Variants in PCDHA1 observed in about 807,000 individuals in gnomAD.
PCDHA1 encodes protocadherin alpha 1.
PCDHA1 carries 42 observed loss-of-function variants against 61.3 expected under a neutral mutation model. The ratio of observed to expected loss-of-function variants is 0.69; its 90% CI spans 0.54 to 0.89. The LOEUF is 0.89. PCDHA1 is among the 40% of genes least tolerant of loss of function. The probability of loss-of-function intolerance (pLI) is 0.00; values close to 1 mark genes in which losing one functional copy is unlikely to be tolerated. For synonymous variants in PCDHA1, 610 were observed against 553.8 expected, an observed-to-expected ratio of 1.10 and a Z score of -1.43; for missense variants, 1,256 against 1,235.3, an observed-to-expected ratio of 1.02 and a Z score of -0.25.
At chr5:140,873,064 T>A (rs1554166548) in intron 1 of PCDHA1, among the ~76,000 whole-genome samples, 1 of 152,186 alleles carries the variant, frequency 6.6e-6, no homozygotes, top group Non-Finnish European at 1.5e-5. Context: ...TTCTTGAGAA[T>A]CATATCTAGC....
intron 1 of PCDHA1, among the ~76,000 whole-genome samples, chr5:140,794,246 G>T (rs367977540): frequency 6.6e-6 from 1 of 152,160 alleles, no homozygotes. Context: ...AACCATCCAC[G>T]GATGCTTGAA....
At chr5:141,002,435 C>A (rs958320342) in intron 3 of PCDHA1, among the ~76,000 whole-genome samples, 3 of 152,280 alleles carry the variant, frequency 2.0e-5, no homozygotes, top group South Asian at 2.1e-4. Flanking sequence ...AGGCAATAAC[C>A]ATAATAATTG....
intron 1 of PCDHA1, chr5:140,836,516 G>C: frequency 6.2e-7 from 1 of 1,613,880 alleles, no homozygotes; most frequent in Non-Finnish European, 8.5e-7. Flanking sequence ...CCAGTCTGTT[G>C]GTGCTTACCC....
At chr5:140,840,317 G>A (rs193301017) in intron 1 of PCDHA1, among the ~76,000 whole-genome samples, 6 of 151,994 alleles carry the variant, frequency 3.9e-5, no homozygotes, top group East Asian at 1.9e-4. Flanking sequence ...AACTTTGGTC[G>A]ACTCATTTTC....
intron 1 of PCDHA1, among the ~76,000 whole-genome samples, chr5:140,893,362 C>T (rs782554595): frequency 6.6e-5 from 10 of 152,110 alleles, no homozygotes; most frequent in African/African-American, 9.7e-5. Flanking sequence ...TACATGCCCA[C>T]CAACAGCATT....
At chr5:140,982,391 G>T (rs539713475) in intron 2 of PCDHA1, 84 bp from the exon 3 acceptor site, 2 of 1,597,556 alleles carry the variant, frequency 1.3e-6, no homozygotes, top group South Asian at 1.1e-5. Flanking sequence ...TGGCTTCATA[G>T]TTGTAAGCAA....
At chr5:140,884,547 C>T (rs1554181712) in intron 1 of PCDHA1, 5 of 1,614,214 alleles carry the variant, frequency 3.1e-6, no homozygotes, top group Admixed American at 1.7e-5. Context: ...AGGGTGTGCT[C>T]TGGGGAGGGC....
rs201585398 is a variant in PCDHA1 at position 140,802,395 on chromosome 5, A to G, written c.2394+13711A>G. ...CCACGTCCCCTTCAAGCTGGTGTCC[A>G]CCTTCAAGAATTACTACTCATTGGT... On this transcript the variant is annotated intron_variant, in intron 1 of 3. Coordinates refer to ENST00000504120, the MANE Select transcript of PCDHA1 (RefSeq NM_018900.4). 1 of 1,614,230 alleles carries G rather than the reference A, an allele frequency of 6.2e-7. No individual in the cohort carries two copies. Among genetic ancestry groups the G allele is most frequent in the Non-Finnish European group, 8.5e-7 (1 of 1,180,046 alleles).
At chr5:140,863,208 C>A in intron 1 of PCDHA1, 2 of 990,672 alleles carry the variant, frequency 2.0e-6, no homozygotes, top group Non-Finnish European at 3.1e-6. Flanking sequence ...TGGCGGAGAG[C>A]AGCCAAGCGA....
intron 1 of PCDHA1, chr5:140,797,516 C>A (rs538802873): frequency 2.4e-6 from 2 of 845,026 alleles, no homozygotes; most frequent in Non-Finnish European, 3.7e-6. Flanking sequence ...ATTTACTGAA[C>A]AATTTATTTA....
chr5:140,792,096 C>T (rs566184600), intron 1 of PCDHA1, among the ~76,000 whole-genome samples: 53 of 152,176 alleles, frequency 3.5e-4, no homozygotes, highest in South Asian at 1.0e-3. Context: ...CCAAAATCAG[C>T]GTGTTTCCTG....
At chr5:140,862,291 C>G (rs1029513176) in intron 1 of PCDHA1, 4 of 265,238 alleles carry the variant, frequency 1.5e-5, no homozygotes, top group African/African-American at 6.6e-5. Context: ...TACAGGAGGA[C>G]GCTCCACTGG....
intron 1 of PCDHA1, among the ~76,000 whole-genome samples, chr5:140,972,738 A>G (rs918730708): frequency 1.4e-5 from 2 of 142,600 alleles, no homozygotes; most frequent in Non-Finnish European, 3.0e-5. Context: ...ATCCCGGCTC[A>G]CTGCAACCTC....
intron 1 of PCDHA1, chr5:140,829,211 G>T: frequency 1.2e-6 from 2 of 1,614,206 alleles, no homozygotes; most frequent in Non-Finnish European, 1.7e-6. Context: ...CCTAATTAGC[G>T]TGAACGACCT....
chr5:140,828,197 C>A, intron 1 of PCDHA1: 1 of 1,614,076 alleles, frequency 6.2e-7, no homozygotes, highest in Non-Finnish European at 8.5e-7. Context: ...CTACTCCGTA[C>A]CCGAGGAGGC....
intron 1 of PCDHA1, chr5:140,854,159 C>CA (rs59855104): frequency 0.067 from 22,471 of 337,648 alleles, 281 homozygotes; most frequent in African/African-American, 0.075. Flanking sequence ...GATTCTGTCT[C>CA]AAAAAAAAAA....
At chr5:140,842,323 C>T (rs2150334082) in intron 1 of PCDHA1, 26 of 1,607,134 alleles carry the variant, frequency 1.6e-5, no homozygotes, top group Non-Finnish European at 2.2e-5. Flanking sequence ...CGGGTCATTG[C>T]ACCGTTTTAG....
intron 1 of PCDHA1, chr5:140,865,192 A>C (rs1306002523): frequency 3.9e-5 from 6 of 152,218 alleles, no homozygotes; most frequent in Non-Finnish European, 8.8e-5. Flanking sequence ...CCTTCACACC[A>C]TATTAATGTG....
chr5:140,966,545 G>T (rs1554228431), intron 1 of PCDHA1: 1 of 465,862 alleles, frequency 2.1e-6, no homozygotes, highest in East Asian at 3.5e-5. Context: ...CGACTCGGAG[G>T]CGAGCGGAGG....
Sources: gnomAD v4.1 joint callset for allele counts (sites outside exome capture counted in the v4.1 genomes callset) on GRCh38, gnomAD v4.1.1 for gene constraint, MANE v1.5 for transcripts, NCBI Gene and HGNC (gene_info 2026-07-23, HGNC 2026-07-21) for gene names.